Variants in RTKN2 observed in about 807,000 individuals in gnomAD.
RTKN2 encodes rhotekin 2.
RTKN2 carries 69 observed loss-of-function variants against 71.5 expected under a neutral mutation model. The ratio of observed to expected loss-of-function variants is 0.96; its 90% CI spans 0.79 to 1.18. The LOEUF (loss-of-function observed/expected upper bound fraction) is 1.18. Among genes scored for constraint, RTKN2 ranks in the 50% most tolerant of loss-of-function variants. The probability of loss-of-function intolerance (pLI) is 0.00; values close to 1 mark genes in which losing one functional copy is unlikely to be tolerated. For missense variants in RTKN2, 724 were observed against 719.7 expected (o/e 1.01, Z -0.07); for synonymous variants, 236 against 236.5 (o/e 1.00, Z 0.02).
At chr10:62,258,038 T>C (rs1360424845) in intron 2 of RTKN2, among the ~76,000 whole-genome samples, 1 of 152,236 alleles carries the variant, frequency 6.6e-6, no homozygotes, top group Non-Finnish European at 1.5e-5. Context: ...GTTTTTGTTA[T>C]ATTATTGGAA....
At chr10:62,191,076 CTAT>C (rs1395642986), downstream of RTKN2, among the ~76,000 whole-genome samples, 2 of 152,096 alleles carry the variant, frequency 1.3e-5, no homozygotes, top group African/African-American at 2.4e-5. Context: ...TTTGAAAACC[CTAT>C]TATTATTAAT....
intron 10 of RTKN2, among the ~76,000 whole-genome samples, chr10:62,201,409 C>A (rs953922728): frequency 2.0e-5 from 3 of 151,860 alleles, no homozygotes; most frequent in Non-Finnish European, 2.9e-5. Context: ...TCAAAATAAG[C>A]CACACAGCAA....
intron 11 of RTKN2, among the ~76,000 whole-genome samples, chr10:62,199,119 T>C (rs1487850048): frequency 6.6e-6 from 1 of 152,218 alleles, no homozygotes; most frequent in African/African-American, 2.4e-5. Flanking sequence ...AAATGTATCA[T>C]TTTTAACCTG....
At chr10:62,268,056 T>A (rs1842897606) in intron 1 of RTKN2, among the ~76,000 whole-genome samples, 1 of 152,250 alleles carries the variant, frequency 6.6e-6, no homozygotes, top group South Asian at 2.1e-4. Flanking sequence ...CAACTTTTTC[T>A]AAAGTGCAGA....
At chr10:62,266,073 T>C (rs1033385565) in intron 1 of RTKN2, among the ~76,000 whole-genome samples, 1 of 152,190 alleles carries the variant, frequency 6.6e-6, no homozygotes, top group African/African-American at 2.4e-5. Flanking sequence ...TCCAATTTTC[T>C]GAGTAAGGGC....
rs1841362319 is a variant in RTKN2 at position 62,197,974 on chromosome 10, T to C, written c.1764A>G (p.Pro588=). ...CTTTGATGGATTTCTGCCTTGGAGCTGGCACTGGCTTGGCTTCAAAATTGG... is the reference window on the plus strand; with the variant it reads ...CTTTGATGGATTTCTGCCTTGGAGCCGGCACTGGCTTGGCTTCAAAATTGG... ...TKTNFEAKPV[P]APRQKSIKDI... Residue 588 remains proline, a synonymous_variant, in exon 12 of 12, where the codon CCA becomes CCG. Coordinates refer to ENST00000373789, the MANE Select transcript of RTKN2 (RefSeq NM_145307.4). 1 of 1,613,976 alleles carries C rather than the reference T, an allele frequency of 6.2e-7. No homozygotes were observed. The highest frequency in any genetic ancestry group is 1.7e-5 in the Admixed American group (1 of 59,990).
At chr10:62,239,867 C>T (rs1842337799) in intron 4 of RTKN2, 102 bp from the exon 5 acceptor site, 2 of 669,850 alleles carry the variant, frequency 3.0e-6, no homozygotes, top group Non-Finnish European at 5.3e-6. Flanking sequence ...TTAATAGATT[C>T]TTTTCATACA....
chr10:62,217,362 G>C, intron 8 of RTKN2, 113 bp from the exon 9 acceptor site: 1 of 737,532 alleles, frequency 1.4e-6, no homozygotes, highest in Non-Finnish European at 2.0e-6. Context: ...TTTAAAATGT[G>C]ATGGAATTAT....
chr10:62,242,654 C>A (rs527720171), intron 3 of RTKN2, among the ~76,000 whole-genome samples: 2 of 151,462 alleles, frequency 1.3e-5, no homozygotes, highest in South Asian at 4.2e-4. Flanking sequence ...CTTGCTCTAC[C>A]ACCCAGGCTG....
chr10:62,268,786 C>T lies in RTKN2; in HGVS notation c.-176G>A, dbSNP rs1421109021. ...GCGCACGCGCAGTGGGCGCGCCTTG[C>T]GCTCTGCAGCTCCCGCCGCCGGAAG... On this transcript the variant is annotated 5_prime_UTR_variant, in exon 1 of 12. Transcript: ENST00000373789. 4.9e-6 allele frequency: 3 copies of T among 613,838 alleles called. No individual in the cohort carries two copies. Among genetic ancestry groups the T allele is most frequent in the Non-Finnish European group, 8.3e-6 (3 of 361,946 alleles). 38.0% of individuals were successfully genotyped at this position (613,838 alleles called of 1,614,324 possible).
chr10:62,205,484 C>T (rs977714128), intron 9 of RTKN2, among the ~76,000 whole-genome samples: 7 of 152,064 alleles, frequency 4.6e-5, no homozygotes, highest in Non-Finnish European at 1.0e-4. Context: ...TGCATAATAT[C>T]TAGTGCTATC....
At position 62,197,632 on chromosome 10, in the gene RTKN2, TA is replaced by T; in HGVS notation, c.*275del. On this transcript the variant is annotated 3_prime_UTR_variant, in exon 12 of 12. Transcript: ENST00000373789. ...TGCCTAGGGCTTATTCACTGCCTGG[TA>T]CTAATTCAGGAATAAATTAACCCTT... The T allele has an allele frequency of 8.2e-7, 1 of 1,219,028 alleles. No individual in the cohort carries two copies. The highest frequency in any genetic ancestry group is 1.0e-6 in the Non-Finnish European group (1 of 976,166). The allele number at this position is 1,219,028 out of a possible 1,614,324, so 75.5% of individuals were successfully genotyped here. A position where few individuals can be genotyped will look rare whatever the true frequency, so the allele number is the denominator to read the frequency against.
intron 8 of RTKN2, among the ~76,000 whole-genome samples, chr10:62,186,106 G>T (rs1295931359): frequency 6.6e-6 from 1 of 152,218 alleles, no homozygotes; most frequent in East Asian, 1.9e-4. Context: ...TATGGTGTGG[G>T]CCGTGGGAGG....
chr10:62,217,317 A>C (rs1183096397), intron 8 of RTKN2, 68 bp from the exon 9 acceptor site: 1 of 1,061,824 alleles, frequency 9.4e-7, no homozygotes, highest in Admixed American at 2.6e-5. Flanking sequence ...AATACATCAA[A>C]ATACTTATCA....
At chr10:62,253,635 G>C (rs577336687) in intron 2 of RTKN2, among the ~76,000 whole-genome samples, 4 of 152,144 alleles carry the variant, frequency 2.6e-5, no homozygotes, top group African/African-American at 7.2e-5. Flanking sequence ...AAATTTATTT[G>C]ATTAAAATGC....
At chr10:62,229,489 T>G (rs1338851659) in intron 6 of RTKN2, among the ~76,000 whole-genome samples, 2 of 152,162 alleles carry the variant, frequency 1.3e-5, no homozygotes, top group African/African-American at 4.8e-5. Context: ...ATATCTGAAA[T>G]GGTAGGATAC....
At chr10:62,259,309 G>C in intron 2 of RTKN2, 1 of 329,544 alleles carries the variant, frequency 3.0e-6, no homozygotes, top group African/African-American at 2.2e-5. Context: ...TGTATTAACA[G>C]TGTGAAAATG....
Position 62,193,935 on chromosome 10 carries a change from A to G in RTKN2, c.*3973T>C. ...TTTTTCTGATTAAACTGATTCCACC[A>G]CACTGTCTACTTCAATCAGTCTAGT... On this transcript the variant is annotated 3_prime_UTR_variant, in exon 12 of 12. Transcript: ENST00000373789. 1.0e-6 allele frequency: 1 copy of G among 984,034 alleles called. No individual in the cohort carries two copies. Among genetic ancestry groups the G allele is most frequent in the Non-Finnish European group, 1.2e-6 (1 of 828,652 alleles). The allele number at this position is 984,034 out of a possible 1,614,324, so 61.0% of individuals were successfully genotyped here.
chr10:62,199,974 A>G, intron 10 of RTKN2, 113 bp from the exon 11 acceptor site: 1 of 665,350 alleles, frequency 1.5e-6, no homozygotes, highest in Non-Finnish European at 2.6e-6. Flanking sequence ...CAGTGAATTT[A>G]TACATAAAGC....
Sources: allele counts gnomAD v4.1 joint callset (sites outside exome capture counted in the v4.1 genomes callset), GRCh38; gene constraint gnomAD v4.1.1; transcripts MANE v1.5; gene names NCBI Gene and HGNC (gene_info 2026-07-23, HGNC 2026-07-21).